The following ESR1 variants were observed in gnomAD, a reference collection of about 807,000 sequenced individuals.
ESR1 encodes estrogen receptor 1, also known as estrogen receptor.
A neutral mutation model predicts 52.7 loss-of-function variants in ESR1; 12 were observed. That is an observed-to-expected ratio of 0.23 (90% CI 0.15 to 0.37). The LOEUF is 0.37. ESR1 is among the 10% of genes least tolerant of loss of function. The pLI is 1.00. For missense variants in ESR1, 584 were observed against 779.7 expected (o/e 0.75, Z 2.99); for synonymous variants, 305 against 316.8 (o/e 0.96, Z 0.39).
intron 2 of ESR1, among the ~76,000 whole-genome samples, chr6:151,795,487 CA>C (rs61142527): frequency 0.18 from 14,855 of 83,252 alleles, 622 homozygotes; most frequent in South Asian, 0.25. Flanking sequence ...GACTCCATCT[CA>C]AAAAAAAAAA....
intron 2 of ESR1, among the ~76,000 whole-genome samples, chr6:151,867,156 A>G: frequency 6.6e-6 from 1 of 152,230 alleles, no homozygotes; most frequent in East Asian, 1.9e-4. Context: ...TAAAACCATA[A>G]AAACCCTAGA....
At chr6:151,726,059 C>T (rs1308231037) in intron 2 of ESR1, among the ~76,000 whole-genome samples, 3 of 152,082 alleles carry the variant, frequency 2.0e-5, no homozygotes, top group Admixed American at 6.5e-5. Context: ...ATGCAGGGCA[C>T]GGAAATCAGT....
At chr6:151,991,140 C>G (rs941184224) in intron 4 of ESR1, among the ~76,000 whole-genome samples, 1 of 152,106 alleles carries the variant, frequency 6.6e-6, no homozygotes, top group Non-Finnish European at 1.5e-5. Context: ...TCACTTGGCT[C>G]TGTACAGACA....
chr6:151,984,579 C>T (rs921087616), intron 4 of ESR1, among the ~76,000 whole-genome samples: 3 of 152,186 alleles, frequency 2.0e-5, no homozygotes, highest in Non-Finnish European at 2.9e-5. Context: ...TCCAGCTCCA[C>T]TACCTGCAGT....
chr6:152,017,848 C>T (rs541964536), intron 5 of ESR1, among the ~76,000 whole-genome samples: 37 of 152,154 alleles, frequency 2.4e-4, no homozygotes, highest in African/African-American at 6.5e-4. Flanking sequence ...GTTTTACTGG[C>T]GCCTTCCATG....
intron 2 of ESR1, among the ~76,000 whole-genome samples, chr6:151,740,752 C>A (rs1783036778): frequency 6.6e-6 from 1 of 151,926 alleles, no homozygotes; most frequent in South Asian, 2.1e-4. Context: ...AATCTGATGC[C>A]CAATATTCTA....
chr6:152,123,323 T>C (rs1426575701), intron 6 of ESR1, among the ~76,000 whole-genome samples: 1 of 152,208 alleles, frequency 6.6e-6, no homozygotes, highest in East Asian at 1.9e-4. Context: ...TACAGAACAC[T>C]GGTGTTGTAT....
At chr6:152,059,310 G>C (rs1029375461) in intron 5 of ESR1, among the ~76,000 whole-genome samples, 3 of 151,812 alleles carry the variant, frequency 2.0e-5, no homozygotes, top group Non-Finnish European at 4.4e-5. Context: ...ATATTTATAT[G>C]TAAAATTTTT....
intron 2 of ESR1, among the ~76,000 whole-genome samples, chr6:151,790,158 A>T (rs770304833): frequency 6.6e-6 from 1 of 152,168 alleles, no homozygotes; most frequent in Admixed American, 6.5e-5. Flanking sequence ...TATTGAAGTC[A>T]TCTGTCCCTG....
At chr6:152,066,706 G>C (rs544669481) in intron 6 of ESR1, among the ~76,000 whole-genome samples, 19 of 152,250 alleles carry the variant, frequency 1.2e-4, no homozygotes, top group Non-Finnish European at 2.2e-4. Flanking sequence ...CCAACTTTTG[G>C]TGTTGCCTTA....
chr6:151,803,962 G>T (rs1268706530), upstream of ESR1, among the ~76,000 whole-genome samples: 5 of 152,092 alleles, frequency 3.3e-5, no homozygotes, highest in Admixed American at 3.3e-4. Context: ...GAAAAGTGGG[G>T]CTGGAGACAC....
intron 2 of ESR1, among the ~76,000 whole-genome samples, chr6:151,769,188 T>G (rs1256702040): frequency 6.6e-6 from 1 of 152,210 alleles, no homozygotes; most frequent in Non-Finnish European, 1.5e-5. Context: ...CTTGGAAGTC[T>G]ACTTCTGCCA....
chr6:151,661,251 C>A (rs932095512), intron 1 of ESR1, among the ~76,000 whole-genome samples: 10 of 152,196 alleles, frequency 6.6e-5, no homozygotes, highest in Admixed American at 6.5e-5. Flanking sequence ...AGCTTGGTAT[C>A]ATTTCCATTT....
chr6:151,787,891 G>C (rs1423167672), intron 2 of ESR1, among the ~76,000 whole-genome samples: 2 of 152,092 alleles, frequency 1.3e-5, no homozygotes, highest in South Asian at 2.1e-4. Context: ...TGTTGAATAG[G>C]AGTGGTGAGA....
chr6:151,942,373 A>G (rs1054755368), intron 3 of ESR1, among the ~76,000 whole-genome samples: 8 of 152,232 alleles, frequency 5.3e-5, no homozygotes, highest in Non-Finnish European at 1.2e-4. Context: ...ACAGAGAATG[A>G]TATTGTACAA....
chr6:151,818,138 G>A (rs1177720239), intron 1 of ESR1, among the ~76,000 whole-genome samples: 4 of 152,168 alleles, frequency 2.6e-5, no homozygotes. Context: ...TTATGGATGA[G>A]GGAAGTGGCA....
chr6:151,899,234 C>T (rs1390275315), intron 3 of ESR1, among the ~76,000 whole-genome samples: 12 of 142,442 alleles, frequency 8.4e-5, no homozygotes, highest in Non-Finnish European at 1.2e-4. Context: ...CCGGACTGGG[C>T]AGCTGGCCAG....
chr6:151,887,171 A>G (rs1049322553), intron 3 of ESR1, among the ~76,000 whole-genome samples: 1 of 152,080 alleles, frequency 6.6e-6, no homozygotes, highest in Non-Finnish European at 1.5e-5. Flanking sequence ...TTGTAGCTGC[A>G]TGTGAATCCA....
intron 4 of ESR1, among the ~76,000 whole-genome samples, chr6:151,969,236 A>T (rs1407420779): frequency 2.0e-5 from 3 of 152,104 alleles, no homozygotes; most frequent in Non-Finnish European, 4.4e-5. Context: ...GTTTCCTACC[A>T]TTGGTTTATT....
Sources: gnomAD v4.1 joint callset for allele counts (sites outside exome capture counted in the v4.1 genomes callset) on GRCh38, gnomAD v4.1.1 for gene constraint, MANE v1.5 for transcripts, NCBI Gene and HGNC (gene_info 2026-07-23, HGNC 2026-07-21) for gene names.